Variants in TBX19 observed in about 807,000 individuals in gnomAD.
The protein encoded by TBX19 is T-box transcription factor TBX19.
In TBX19, 33 loss-of-function variants were observed where a neutral mutation model predicts 40.9. The ratio of observed to expected loss-of-function variants is 0.81; its 90% CI spans 0.61 to 1.08. The LOEUF is 1.08. Among genes scored for constraint, TBX19 ranks in the 50% least tolerant of loss-of-function variants. The pLI is 0.00. For synonymous variants in TBX19, 220 were observed against 225.0 expected (o/e 0.98, Z 0.20); for missense variants, 494 against 574.0 (o/e 0.86, Z 1.42).
At position 168,300,417 on chromosome 1, in the gene TBX19, T is replaced by C; in HGVS notation, c.666-5T>C. 6.2e-7 allele frequency: 1 copy of C among 1,614,048 alleles called. No homozygotes were observed. The highest frequency in any genetic ancestry group is 8.5e-7 in the Non-Finnish European group (1 of 1,179,978). On this transcript the variant is annotated splice_polypyrimidine_tract_variant and splice_region_variant and intron_variant, in intron 4 of 7. Transcript: ENST00000367821. Reference sequence around the variant, plus strand: ...AGCCATGGTGCATTTTCTTTACTCTTTCAGAAATCACCTAAGAGACGTACC... The same window carrying C: ...AGCCATGGTGCATTTTCTTTACTCTCTCAGAAATCACCTAAGAGACGTACC...
intron 6 of TBX19, among the ~76,000 whole-genome samples, chr1:168,307,810 T>C (rs927016775): frequency 6.6e-6 from 1 of 152,208 alleles, no homozygotes; most frequent in African/African-American, 2.4e-5. Flanking sequence ...GTGAAGTGAT[T>C]ACTGCTGTCA....
At chr1:168,311,950 AC>A (rs1572485408) in intron 7 of TBX19, among the ~76,000 whole-genome samples, 1 of 149,176 alleles carries the variant, frequency 6.7e-6, no homozygotes. Flanking sequence ...TACTTTAAAA[AC>A]CCCCCCTAGT....
intron 1 of TBX19, among the ~76,000 whole-genome samples, chr1:168,288,695 A>G (rs1177041267): frequency 6.6e-6 from 1 of 152,132 alleles, no homozygotes; most frequent in African/African-American, 2.4e-5. Context: ...TGAGTAATAT[A>G]TTATATGTTT....
At chr1:168,294,704 G>A (rs1649056926) in intron 3 of TBX19, among the ~76,000 whole-genome samples, 2 of 152,104 alleles carry the variant, frequency 1.3e-5, no homozygotes, top group Non-Finnish European at 2.9e-5. Context: ...GTTTCACTAT[G>A]TTGGCCAGGC....
chr1:168,308,300 A>T (rs1369673577), intron 6 of TBX19: 1 of 237,452 alleles, frequency 4.2e-6, no homozygotes, highest in East Asian at 1.1e-4. Flanking sequence ...TGTGCTTGAG[A>T]TATTTAAACC....
At chr1:168,312,505 T>C (rs556546667) in intron 7 of TBX19, among the ~76,000 whole-genome samples, 1 of 152,360 alleles carries the variant, frequency 6.6e-6, no homozygotes, top group East Asian at 1.9e-4. Context: ...CTTAATCTTA[T>C]CATTATTCCA....
chr1:168,310,976 T>C (rs1649507876), intron 7 of TBX19, among the ~76,000 whole-genome samples: 1 of 150,874 alleles, frequency 6.6e-6, no homozygotes, highest in Non-Finnish European at 1.5e-5. Context: ...AAATAAAATA[T>C]TAATAAATTA....
chr1:168,298,623 T>C (rs571353367), intron 4 of TBX19, among the ~76,000 whole-genome samples: 2 of 151,986 alleles, frequency 1.3e-5, no homozygotes, highest in South Asian at 2.1e-4. Flanking sequence ...TTTCTCTCTT[T>C]TTTCCTTTCT....
At chr1:168,291,569 A>C in intron 2 of TBX19, 145 bp downstream of exon 2, 1 of 1,166,130 alleles carries the variant, frequency 8.6e-7, no homozygotes, top group Non-Finnish European at 1.2e-6. Flanking sequence ...GGGAGTCCAA[A>C]TGTAAACAAG....
chr1:168,297,704 C>G lies in TBX19; in HGVS notation c.604-20C>G, dbSNP rs1470117350. On this transcript the variant is annotated intron_variant, in intron 3 of 7. Coordinates refer to ENST00000367821, the MANE Select transcript of TBX19 (RefSeq NM_005149.3). ...GTGTATCCTACTTTTACTAACACTT[C>G]TTGTCTTTGTAAATGCAAGATAACG... 9 of 1,612,402 alleles carry G rather than the reference C, an allele frequency of 5.6e-6. No individual in the cohort carries two copies. The highest frequency in any genetic ancestry group is 7.6e-6 in the Non-Finnish European group (9 of 1,178,572).
chr1:168,313,421 G>T lies in TBX19; in HGVS notation c.*419G>T, dbSNP rs1649572029. On this transcript the variant is annotated 3_prime_UTR_variant, in exon 8 of 8. Transcript: ENST00000367821. ...GCTTTGTGAAGCCTGGAAAGTATGT[G>T]TGGCCACAGGGCTCAGGTTCACACT... is the stretch of plus-strand genomic sequence containing the variant. The T allele has an allele frequency of 3.6e-6, 1 of 276,286 alleles. No individual in the cohort carries two copies. The allele number at this position is 276,286 out of a possible 1,614,324, so 17.1% of individuals were successfully genotyped here.
Position 168,313,970 on chromosome 1 carries a change from A to G in TBX19, c.*968A>G, listed in dbSNP as rs1226626462. 6.6e-6 allele frequency: 1 copy of G among 152,292 alleles called. No homozygotes were observed. 9.4% of individuals were successfully genotyped at this position (152,292 alleles called of 1,614,324 possible). A position where few individuals can be genotyped will look rare whatever the true frequency, so the allele number is the denominator to read the frequency against. On this transcript the variant is annotated 3_prime_UTR_variant, in exon 8 of 8. Coordinates refer to ENST00000367821, the MANE Select transcript of TBX19 (RefSeq NM_005149.3). ...AAATCCTACTACGAGCGATCACACC[A>G]TCTGGCCTGAAACCACTTCCCCAGC...
rs9426877 is a variant in TBX19 at position 168,292,732 on chromosome 1, C to T, written c.469-412C>T. The stretch of plus-strand genomic sequence containing the variant: ...ACAAAAAATTAGCCGGGCGTGGTGG[C>T]GGGCGCCTGTAGTCCCAGCTACTCG... On this transcript the variant is annotated intron_variant, in intron 2 of 7. Transcript: ENST00000367821. 4.0e-3 allele frequency among the ~76,000 whole-genome samples: 615 copies of T among 151,972 alleles called. 1 individual carries two copies. Among genetic ancestry groups the T allele is most frequent in the Non-Finnish European group, 6.1e-3 (413 of 67,940 alleles).
intron 3 of TBX19, among the ~76,000 whole-genome samples, chr1:168,295,159 C>T (rs965751626): frequency 2.0e-5 from 3 of 151,912 alleles, no homozygotes; most frequent in African/African-American, 4.8e-5. Flanking sequence ...GGTGCAGTGG[C>T]GGGTGCCTGT....
At chr1:168,298,838 T>C (rs868696539) in intron 4 of TBX19, among the ~76,000 whole-genome samples, 1,576 of 11,858 alleles carry the variant, frequency 0.13, 316 homozygotes, top group African/African-American at 0.22. Flanking sequence ...TTTCTTTCTT[T>C]CTTTCTTTCT....
intron 5 of TBX19, among the ~76,000 whole-genome samples, chr1:168,303,471 C>G (rs929946348): frequency 1.3e-5 from 2 of 152,174 alleles, no homozygotes; most frequent in African/African-American, 4.8e-5. Context: ...TAGGTTCTTC[C>G]TGCTGGTTGC....
intron 3 of TBX19, among the ~76,000 whole-genome samples, chr1:168,293,910 A>C (rs1017400917): frequency 2.0e-5 from 3 of 152,162 alleles, no homozygotes; most frequent in African/African-American, 4.8e-5. Context: ...ACTTTAAAAA[A>C]ATTTTTTAAA....
chr1:168,281,216 G>T lies in TBX19; in HGVS notation c.126G>T (p.Gln42His), dbSNP rs1179504032. 2.5e-6 allele frequency: 4 copies of T among 1,614,074 alleles called. No individual in the cohort carries two copies. The African/African-American group carries it at 5.3e-5, about 22-fold the overall frequency. Residue 42 changes from glutamine to histidine, a missense_variant, in exon 1 of 8, where the codon CAG becomes CAT. By Grantham distance (24) the Gln-to-His change is conservative (BLOSUM62 0). Coordinates refer to ENST00000367821, the MANE Select transcript of TBX19 (RefSeq NM_005149.3). ...EKGDPTEKQL[Q>H]IILEDAPLWQ... The stretch of plus-strand genomic sequence containing the variant: ...GCGACCCTACGGAGAAGCAACTTCA[G>T]ATCATCCTGGAGGATGCACCTCTCT...
chr1:168,283,347 G>A (rs549902112), intron 1 of TBX19, among the ~76,000 whole-genome samples: 8 of 152,006 alleles, frequency 5.3e-5, no homozygotes, highest in South Asian at 2.1e-4. Flanking sequence ...CTAAGCTCTC[G>A]GAGCCCTTTA....
Sources: gnomAD v4.1 joint callset for allele counts (sites outside exome capture counted in the v4.1 genomes callset) on GRCh38, gnomAD v4.1.1 for gene constraint, MANE v1.5 for transcripts, NCBI Gene and HGNC (gene_info 2026-07-23, HGNC 2026-07-21) for gene names.